MXRA7: variants seen among roughly 807,000 people sequenced by gnomAD.
MXRA7 encodes matrix-remodeling-associated protein 7.
Under a neutral mutation model 17.4 loss-of-function variants are expected in MXRA7, and 18 were observed. The observed-to-expected ratio is 1.03, with a 90% CI of 0.71 to 1.53. The LOEUF (loss-of-function observed/expected upper bound fraction) is 1.53, where lower values mean the gene tolerates loss of function less well. Ranked by LOEUF, MXRA7 falls within the 40% of genes most tolerant of loss-of-function variation. MXRA7 has a pLI of 0.00. For missense variants in MXRA7, 141 were observed against 209.3 expected, an observed-to-expected ratio of 0.67 and a Z score of 2.01; for synonymous variants, 70 against 101.7, an observed-to-expected ratio of 0.69 and a Z score of 1.87.
At chr17:76,678,595 A>C (rs1005743212), downstream of MXRA7, among the ~76,000 whole-genome samples, 1 of 152,088 alleles carries the variant, frequency 6.6e-6, no homozygotes, top group Non-Finnish European at 1.5e-5. Flanking sequence ...CCTGCCCCCC[A>C]CACACCACGG....
intron 3 of MXRA7, among the ~76,000 whole-genome samples, chr17:76,682,589 G>C (rs1478262229): frequency 3.2e-4 from 49 of 152,052 alleles, no homozygotes; most frequent in African/African-American, 2.4e-5. Context: ...GCAACCCCAA[G>C]CATCACCGTG....
chr17:76,678,126 G>A (rs545595350), downstream of MXRA7, among the ~76,000 whole-genome samples: 2 of 152,290 alleles, frequency 1.3e-5, no homozygotes, highest in East Asian at 1.9e-4. Context: ...GGAATGAGCC[G>A]AAAGTGGAGA....
At chr17:76,694,583 AATT>A (rs924202370) in intron 1 of MXRA7, among the ~76,000 whole-genome samples, 3 of 152,030 alleles carry the variant, frequency 2.0e-5, no homozygotes, top group African/African-American at 7.3e-5. Flanking sequence ...AATGAATTCC[AATT>A]ATTATTATTG....
chr17:76,703,712 C>T (rs558018186), intron 1 of MXRA7: 1 of 150,204 alleles, frequency 6.7e-6, no homozygotes, highest in Non-Finnish European at 1.5e-5. Flanking sequence ...GATAACCCAA[C>T]ACCATTGGAC....
At chr17:76,683,425 T>G (rs549698882) in intron 3 of MXRA7, among the ~76,000 whole-genome samples, 9 of 152,352 alleles carry the variant, frequency 5.9e-5, no homozygotes, top group Admixed American at 5.2e-4. Context: ...TCTCACAGCT[T>G]GGGAGCACGG....
At chr17:76,690,412 GA>G (rs1157659445) in intron 1 of MXRA7, among the ~76,000 whole-genome samples, 4 of 150,522 alleles carry the variant, frequency 2.7e-5, no homozygotes, top group East Asian at 1.9e-4. Flanking sequence ...TTCTAAAAAA[GA>G]AAAAAAAAGT....
In MXRA7 at chr17:76,680,749, G is replaced by A. The variant is rs1460163762; in HGVS notation, c.*118C>T. ...GGGTCTAGAGCTCAGCAGATTTATGGAGGCAGCATGCACCCTGGGAGCCTG... is the reference window on the plus strand; with the variant it reads ...GGGTCTAGAGCTCAGCAGATTTATGAAGGCAGCATGCACCCTGGGAGCCTG... On this transcript the variant is annotated 3_prime_UTR_variant, in exon 4 of 4. Transcript: ENST00000449428. The A allele has an allele frequency of 6.7e-7, 1 of 1,500,924 alleles. No individual in the cohort carries two copies. Among genetic ancestry groups the A allele is most frequent in the East Asian group, 2.5e-5 (1 of 40,710 alleles). 93.0% of individuals were successfully genotyped at this position (1,500,924 alleles called of 1,614,324 possible).
chr17:76,679,632 G>C lies in MXRA7; in HGVS notation c.*1235C>G. The C allele has an allele frequency of 4.2e-6, 4 of 962,400 alleles. No homozygotes were observed. The highest frequency in any genetic ancestry group is 4.9e-6 in the Non-Finnish European group (4 of 808,888). 59.6% of individuals were successfully genotyped at this position (962,400 alleles called of 1,614,324 possible). A position where few individuals can be genotyped will look rare whatever the true frequency, so the allele number is the denominator to read the frequency against. ...GGCTGAATACAGAGATCCAAGCCAT[G>C]AGGAGTACATGAGGTGTGGTGCCTA... On this transcript the variant is annotated 3_prime_UTR_variant, in exon 4 of 4. Transcript: ENST00000449428.
intron 1 of MXRA7, among the ~76,000 whole-genome samples, chr17:76,701,022 C>T (rs1200754402): frequency 1.3e-5 from 2 of 151,916 alleles, no homozygotes; most frequent in African/African-American, 2.4e-5. Context: ...GCCGAGTAGG[C>T]AGGGTGCTCC....
downstream of MXRA7, chr17:76,677,288 T>G: frequency 2.3e-5 from 2 of 88,520 alleles, no homozygotes; most frequent in African/African-American, 5.0e-5. Flanking sequence ...TGAGACTCCA[T>G]CTCAAACAAA....
At position 76,688,354 on chromosome 17, in the gene MXRA7, T is replaced by C. The variant is rs145821665; in HGVS notation, c.343-178A>G. 2.8e-4 allele frequency: 399 copies of C among 1,438,732 alleles called. 3 individuals carry two copies. The African/African-American group carries it at 4.6e-3, about 17-fold the overall frequency. 89.1% of individuals were successfully genotyped at this position (1,438,732 alleles called of 1,614,324 possible). A position where few individuals can be genotyped will look rare whatever the true frequency, so the allele number is the denominator to read the frequency against. On this transcript the variant is annotated intron_variant, in intron 1 of 3. Transcript: ENST00000449428. ...GCAGGTGGGGGCTGTGTACAAACGA[T>C]GGGCCAAAGTGACTCGGCTCACAAA...
chr17:76,675,049 G>C (rs2076229433), downstream of MXRA7: 1 of 152,226 alleles, frequency 6.6e-6, no homozygotes. Context: ...GGCTTCTCAC[G>C]TGAGAGAGCC....
chr17:76,707,876 GC>G (rs1485713547), intron 1 of MXRA7, among the ~76,000 whole-genome samples: 1 of 152,178 alleles, frequency 6.6e-6, no homozygotes, highest in African/African-American at 2.4e-5. Context: ...GACTTCGTTG[GC>G]TCATGATTCT....
rs1447262710 is a variant in MXRA7, at chr17:76,710,591, GC to G, written c.342+13del. 2.2e-6 allele frequency: 3 copies of G among 1,339,552 alleles called. No individual in the cohort carries two copies. Among genetic ancestry groups the G allele is most frequent in the South Asian group, 3.5e-5 (2 of 57,518 alleles). The allele number at this position is 1,339,552 out of a possible 1,614,324, so 83.0% of individuals were successfully genotyped here. A position where few individuals can be genotyped will look rare whatever the true frequency, so the allele number is the denominator to read the frequency against. On this transcript the variant is annotated intron_variant, in intron 1 of 3. Transcript: ENST00000449428. ...CGGGGGTGGGGAGGGGGCCGCGAGG[GC>G]CCCGGTGCGTACCTGCCTCGCCTCC...
At chr17:76,705,912 T>C (rs577226511) in intron 1 of MXRA7, among the ~76,000 whole-genome samples, 25 of 152,356 alleles carry the variant, frequency 1.6e-4, no homozygotes, top group African/African-American at 5.8e-4. Flanking sequence ...CTGGCAAATA[T>C]CTACTTGGCC....
intron 1 of MXRA7, among the ~76,000 whole-genome samples, chr17:76,698,128 T>G (rs2076552715): frequency 6.6e-6 from 1 of 152,106 alleles, no homozygotes; most frequent in Non-Finnish European, 1.5e-5. Context: ...AGAATGACTT[T>G]AGAGGACAGC....
chr17:76,675,098 C>T (rs1042978426), downstream of MXRA7: 3 of 152,184 alleles, frequency 2.0e-5, no homozygotes, highest in Admixed American at 6.5e-5. Context: ...AGTTTTCTGT[C>T]GTTGCAGTCA....
intron 1 of MXRA7, chr17:76,709,813 T>C: frequency 6.5e-6 from 1 of 152,728 alleles, no homozygotes; most frequent in Non-Finnish European, 1.5e-5. Flanking sequence ...CTCTCAGATA[T>C]CCACAGGCAG....
intron 1 of MXRA7, chr17:76,688,457 G>C: frequency 7.4e-7 from 1 of 1,347,482 alleles, no homozygotes; most frequent in Non-Finnish European, 9.5e-7. Context: ...GCCTGTTGAG[G>C]CTTCTGTGTG....
Sources: gnomAD v4.1 joint callset for allele counts (sites outside exome capture counted in the v4.1 genomes callset) on GRCh38, gnomAD v4.1.1 for gene constraint, MANE v1.5 for transcripts, NCBI Gene and HGNC (gene_info 2026-07-23, HGNC 2026-07-21) for gene names.